ROBO2: variants seen among roughly 807,000 people sequenced by gnomAD.
ROBO2 encodes roundabout guidance receptor 2.
A neutral mutation model predicts 160.8 loss-of-function variants in ROBO2; 53 were observed. That is an observed-to-expected ratio of 0.33 (90% CI 0.26 to 0.41). ROBO2 has a LOEUF of 0.41. Among genes scored for constraint, ROBO2 ranks in the 10% least tolerant of loss-of-function variants. ROBO2 has a pLI of 1.00. For missense variants in ROBO2, 1,577 were observed against 1,722.4 expected (o/e 0.92, Z 1.49); for synonymous variants, 664 against 611.7 (o/e 1.09, Z -1.26).
chr3:76,036,868 A>T (rs549282289), intron 2 of ROBO2, among the ~76,000 whole-genome samples: 2 of 151,908 alleles, frequency 1.3e-5, no homozygotes, highest in African/African-American at 4.9e-5. Flanking sequence ...GTAGATCTCT[A>T]TTCACCTCGA....
chr3:77,582,079 T>G (rs761704548), intron 16 of ROBO2, among the ~76,000 whole-genome samples: 2 of 152,234 alleles, frequency 1.3e-5, no homozygotes, highest in Non-Finnish European at 2.9e-5. Context: ...AGTAACTGCA[T>G]GGATTGTCAT....
At chr3:77,129,447 T>C (rs2075648300) in intron 2 of ROBO2, among the ~76,000 whole-genome samples, 1 of 152,180 alleles carries the variant, frequency 6.6e-6, no homozygotes, top group Non-Finnish European at 1.5e-5. Flanking sequence ...AGCATAAAAA[T>C]CTGTGATTGG....
chr3:76,386,910 G>A (rs1379944837), intron 2 of ROBO2, among the ~76,000 whole-genome samples: 1 of 152,112 alleles, frequency 6.6e-6, no homozygotes, highest in Non-Finnish European at 1.5e-5. Context: ...AGAATAAAAG[G>A]TGTTAAGACA....
intron 2 of ROBO2, among the ~76,000 whole-genome samples, chr3:76,877,049 A>G (rs888816382): frequency 6.6e-6 from 1 of 152,178 alleles, no homozygotes; most frequent in African/African-American, 2.4e-5. Context: ...GATATTTTAC[A>G]TTTTCCATAA....
intron 2 of ROBO2, among the ~76,000 whole-genome samples, chr3:77,307,961 A>G (rs1002649914): frequency 5.3e-5 from 8 of 152,088 alleles, no homozygotes; most frequent in African/African-American, 1.7e-4. Flanking sequence ...TGTCTCAAAA[A>G]AAGAAAAAAA....
intron 1 of ROBO2, among the ~76,000 whole-genome samples, chr3:77,057,400 T>G (rs1394921795): frequency 6.6e-6 from 1 of 151,900 alleles, no homozygotes. Context: ...ACATGGCACA[T>G]GTACACATAT....
intron 1 of ROBO2, among the ~76,000 whole-genome samples, chr3:77,072,162 G>A (rs1379959487): frequency 2.0e-5 from 3 of 152,074 alleles, no homozygotes; most frequent in Admixed American, 6.6e-5. Flanking sequence ...TCTGGGTTGC[G>A]TGCTGCCTAT....
At chr3:76,304,024 T>G (rs1180269339) in intron 2 of ROBO2, among the ~76,000 whole-genome samples, 1 of 152,242 alleles carries the variant, frequency 6.6e-6, no homozygotes, top group East Asian at 1.9e-4. Context: ...AATAAGTGAT[T>G]TTTTTGTATT....
At chr3:76,386,309 C>T (rs2076878763) in intron 2 of ROBO2, among the ~76,000 whole-genome samples, 2 of 150,346 alleles carry the variant, frequency 1.3e-5, no homozygotes, top group Non-Finnish European at 3.0e-5. Flanking sequence ...TCCCTTCCTT[C>T]CTTCTTTCCT....
At chr3:76,946,313 C>T (rs1249328891) in intron 2 of ROBO2, among the ~76,000 whole-genome samples, 2 of 152,060 alleles carry the variant, frequency 1.3e-5, no homozygotes, top group African/African-American at 4.8e-5. Flanking sequence ...GTTCTCTGTC[C>T]AGGGGTGGGG....
chr3:77,107,962 A>G (rs2073034586), intron 2 of ROBO2, among the ~76,000 whole-genome samples: 1 of 152,090 alleles, frequency 6.6e-6, no homozygotes, highest in Non-Finnish European at 1.5e-5. Context: ...TTCTTTGCTT[A>G]TTCAAATTGA....
At chr3:76,516,660 T>A (rs2081361999) in intron 2 of ROBO2, among the ~76,000 whole-genome samples, 2 of 152,118 alleles carry the variant, frequency 1.3e-5, no homozygotes, top group African/African-American at 4.8e-5. Flanking sequence ...AATCAAAAAA[T>A]CATAGAATAT....
chr3:76,325,111 AAAAC>A (rs781401559), intron 2 of ROBO2, among the ~76,000 whole-genome samples: 15 of 152,356 alleles, frequency 9.8e-5, no homozygotes, highest in Admixed American at 5.9e-4. Flanking sequence ...TCTCAAAACA[AAAAC>A]AAACAAACAA....
At chr3:76,048,652 G>A (rs908863816) in intron 2 of ROBO2, among the ~76,000 whole-genome samples, 7 of 152,120 alleles carry the variant, frequency 4.6e-5, no homozygotes, top group Non-Finnish European at 7.4e-5. Flanking sequence ...ATTTTAAGGC[G>A]ATTCATAGGT....
In ROBO2 at chr3:76,876,343, A is replaced by G. The variant is rs140837635; in HGVS notation, c.110-221671A>G. On this transcript the variant is annotated intron_variant, in intron 2 of 26. Coordinates refer to the ROBO2 transcript ENST00000487694. ...TGAATCTGTTCCAATTATTAGACACATAAGAGGTCTTCTTTGCAGTTGCTT... is the reference window on the plus strand; with the variant it reads ...TGAATCTGTTCCAATTATTAGACACGTAAGAGGTCTTCTTTGCAGTTGCTT... Among the ~76,000 whole-genome samples, 479 of 152,318 alleles carry G rather than the reference A, an allele frequency of 3.1e-3. 3 individuals carry two copies. The highest frequency in any genetic ancestry group is 4.9e-3 in the Non-Finnish European group (334 of 68,020).
intron 2 of ROBO2, among the ~76,000 whole-genome samples, chr3:76,845,312 A>T (rs2068675575): frequency 6.6e-6 from 1 of 152,024 alleles, no homozygotes; most frequent in Non-Finnish European, 1.5e-5. Flanking sequence ...TTCACAAATT[A>T]TGAAAGGAGA....
At chr3:76,376,270 C>T (rs1233058250) in intron 2 of ROBO2, among the ~76,000 whole-genome samples, 1 of 151,972 alleles carries the variant, frequency 6.6e-6, no homozygotes, top group Non-Finnish European at 1.5e-5. Context: ...TTTCCCAGTC[C>T]CAGTGGATTC....
At chr3:76,800,048 G>A (rs1229324766) in intron 2 of ROBO2, among the ~76,000 whole-genome samples, 3 of 152,034 alleles carry the variant, frequency 2.0e-5, no homozygotes, top group African/African-American at 7.2e-5. Flanking sequence ...ACAGAATAGA[G>A]AACCCAGAAA....
chr3:77,525,286 C>CA (rs2091030104), intron 6 of ROBO2, among the ~76,000 whole-genome samples: 2 of 136,070 alleles, frequency 1.5e-5, no homozygotes, highest in African/African-American at 2.7e-5. Context: ...GTAACAAGGA[C>CA]AAAAAAATGT....
Sources: allele counts gnomAD v4.1 joint callset (sites outside exome capture counted in the v4.1 genomes callset), GRCh38; gene constraint gnomAD v4.1.1; transcripts MANE v1.5; gene names NCBI Gene and HGNC (gene_info 2026-07-23, HGNC 2026-07-21).